The following PGM2 variants were observed in gnomAD, a reference collection of about 807,000 sequenced individuals.
PGM2 encodes phosphopentomutase.
PGM2 carries 57 observed loss-of-function variants against 74.6 expected under a neutral mutation model. The ratio of observed to expected loss-of-function variants is 0.76; its 90% CI spans 0.62 to 0.95. PGM2 has a LOEUF of 0.95. PGM2 is among the 40% of genes least tolerant of loss of function. The probability of loss-of-function intolerance (pLI) is 0.00; values close to 1 mark genes in which losing one functional copy is unlikely to be tolerated. For synonymous variants in PGM2, 273 were observed against 260.7 expected (o/e 1.05, Z -0.46); for missense variants, 706 against 741.9 (o/e 0.95, Z 0.56).
chr4:37,828,048 G>A (rs1280384460), intron 1 of PGM2, among the ~76,000 whole-genome samples: 1 of 152,156 alleles, frequency 6.6e-6, no homozygotes, highest in Non-Finnish European at 1.5e-5. Flanking sequence ...TCAGGTCTTT[G>A]TCTTTATTTA....
At chr4:37,853,359 CTTTTT>C (rs11358189) in intron 12 of PGM2, among the ~76,000 whole-genome samples, 14 of 125,148 alleles carry the variant, frequency 1.1e-4, no homozygotes, top group East Asian at 2.3e-4. Context: ...GGTGATATTC[CTTTTT>C]TTTTTTTTTT....
In PGM2 at chr4:37,844,402, C is replaced by T. The variant is rs772389772; in HGVS notation, c.758C>T (p.Thr253Ile). The T allele has an allele frequency of 1.2e-6, 2 of 1,613,546 alleles. No homozygotes were observed. Among genetic ancestry groups the T allele is most frequent in the South Asian group, 2.2e-5 (2 of 91,004 alleles). The change falls in exon 7 of 14, where the codon ACC (threonine) becomes ATC (isoleucine). Residue 253 changes from threonine to isoleucine, a missense_variant. Physicochemically the swap from Thr to Ile is moderately conservative, Grantham distance 89. Coordinates refer to ENST00000381967, the MANE Select transcript of PGM2 (RefSeq NM_018290.4). ...NRETKVKFVH[T>I]SVHGVGHSFV... ...GAGACAAAGGTGAAGTTTGTGCACA[C>T]CTCTGTCCATGGGGTGGGTCATAGC...
At position 37,829,859 on chromosome 4, in the gene PGM2, T is replaced by C. The variant is rs3764957; in HGVS notation, c.82-105T>C. On this transcript the variant is annotated intron_variant, in intron 1 of 13. Transcript: ENST00000381967. ...ATTGAAAGGTCTACATATATATATA[T>C]ACATATATATATATTTTCTATAGAT... 4.7e-3 allele frequency: 1,572 copies of C among 332,872 alleles called. 35 individuals are homozygous for C. Among genetic ancestry groups the C allele is most frequent in the African/African-American group, 0.04 (1,457 of 36,150 alleles). The allele number at this position is 332,872 out of a possible 1,614,324, so 20.6% of individuals were successfully genotyped here.
intron 11 of PGM2, 129 bp downstream of exon 11, chr4:37,848,780 T>C (rs6531579): frequency 0.21 from 161,745 of 762,842 alleles, 19,718 homozygotes; most frequent in African/African-American, 0.46. Context: ...CTTATAAAAA[T>C]TAAATAAGGC....
intron 2 of PGM2, among the ~76,000 whole-genome samples, chr4:37,831,258 A>G (rs1725436035): frequency 6.6e-6 from 1 of 151,504 alleles, no homozygotes; most frequent in Middle Eastern, 3.2e-3. Context: ...ATTAAGCAAT[A>G]GGGCTCCCTG....
intron 4 of PGM2, among the ~76,000 whole-genome samples, chr4:37,837,912 G>T (rs980730035): frequency 6.6e-6 from 1 of 151,470 alleles, no homozygotes; most frequent in African/African-American, 2.4e-5. Flanking sequence ...ACAGAGTCTC[G>T]CTCTGTTGCC....
chr4:37,831,344 C>T (rs1000789712), intron 2 of PGM2, among the ~76,000 whole-genome samples: 2 of 152,120 alleles, frequency 1.3e-5, no homozygotes, highest in African/African-American at 4.8e-5. Flanking sequence ...AGGAACTGTG[C>T]TGCTGAATAA....
intron 1 of PGM2, among the ~76,000 whole-genome samples, chr4:37,829,646 G>A (rs1228161920): frequency 6.6e-6 from 1 of 152,138 alleles, no homozygotes; most frequent in Non-Finnish European, 1.5e-5. Flanking sequence ...TTTGAGAACT[G>A]GAATAATCTG....
At chr4:37,836,862 G>GGTGTAT (rs1553885671) in intron 3 of PGM2, among the ~76,000 whole-genome samples, 1 of 150,416 alleles carries the variant, frequency 6.6e-6, no homozygotes, top group Non-Finnish European at 1.5e-5. Flanking sequence ...TATGTGTATG[G>GGTGTAT]GTGTGTGTGT....
At position 37,861,973 on chromosome 4, in the gene PGM2, G is replaced by GA; in HGVS notation, c.*365dup. The GA allele has an allele frequency of 5.7e-6, 1 of 175,248 alleles. No individual in the cohort carries two copies. The highest frequency in any genetic ancestry group is 1.2e-5 in the Non-Finnish European group (1 of 80,482). The allele number at this position is 175,248 out of a possible 1,614,324, so 10.9% of individuals were successfully genotyped here. ...TTTTAATGTGTGCTTGAAATATCCA[G>GA]AAAACCTATGGAGTTAGTAAATTCT... On this transcript the variant is annotated 3_prime_UTR_variant, in exon 14 of 14. Coordinates refer to ENST00000381967, the MANE Select transcript of PGM2 (RefSeq NM_018290.4).
chr4:37,835,680 C>A (rs1029260367), intron 3 of PGM2, among the ~76,000 whole-genome samples: 2 of 152,186 alleles, frequency 1.3e-5, no homozygotes, highest in Non-Finnish European at 2.9e-5. Context: ...AGAGTCCTAT[C>A]TTTGCCCATC....
chr4:37,849,583 C>G (rs1267829929), intron 11 of PGM2, among the ~76,000 whole-genome samples: 1 of 151,136 alleles, frequency 6.6e-6, no homozygotes, highest in Non-Finnish European at 1.5e-5. Flanking sequence ...GATTTTTGTA[C>G]TTTTAGTAGA....
chr4:37,851,067 A>G (rs900401069), intron 12 of PGM2, among the ~76,000 whole-genome samples: 9 of 151,770 alleles, frequency 5.9e-5, no homozygotes, highest in African/African-American at 1.9e-4. Context: ...ATAAGTGATC[A>G]GAAGTGTGGA....
chr4:37,826,705 C>G lies in PGM2; in HGVS notation c.-28C>G, dbSNP rs1375421325. ...GAAGGCAGATCTCACCGCCTGCTTC[C>G]CTCTGCAGCGGTAGCACAAGCTCAG... is the stretch of plus-strand genomic sequence containing the variant. On this transcript the variant is annotated 5_prime_UTR_variant, in exon 1 of 14. Transcript: ENST00000381967. 1 of 1,529,254 alleles carries G rather than the reference C, an allele frequency of 6.5e-7. No homozygotes were observed. The highest frequency in any genetic ancestry group is 8.9e-7 in the Non-Finnish European group (1 of 1,127,626). 94.7% of individuals were successfully genotyped at this position (1,529,254 alleles called of 1,614,324 possible). A position where few individuals can be genotyped will look rare whatever the true frequency, so the allele number is the denominator to read the frequency against.
intron 7 of PGM2, 22 bp downstream of exon 7, chr4:37,844,575 T>G (rs1381378933): frequency 8.6e-6 from 12 of 1,399,766 alleles, no homozygotes; most frequent in Non-Finnish European, 1.2e-5. Context: ...TTTTTTTAAA[T>G]TATGAAATCT....
intron 12 of PGM2, among the ~76,000 whole-genome samples, chr4:37,853,543 G>A (rs1726109775): frequency 6.6e-6 from 1 of 151,960 alleles, no homozygotes; most frequent in South Asian, 2.1e-4. Flanking sequence ...TTCCCCAAAA[G>A]TCTGATGATC....
Position 37,843,598 on chromosome 4 carries a change from TTTATTA to T in PGM2, c.720-757_720-752del, listed in dbSNP as rs1160456887. 9.4e-5 allele frequency among the ~76,000 whole-genome samples: 14 copies of T among 148,700 alleles called. No homozygotes were observed. The East Asian group carries it at 2.8e-3, about 30-fold the overall frequency. ...CTTGGCAAACAAAAAGTTTTATTTA[TTTATTA>T]TTATTATTTTTTTTTTTTTCCTGAG... is the stretch of plus-strand genomic sequence containing the variant. On this transcript the variant is annotated intron_variant, in intron 6 of 13. Coordinates refer to ENST00000381967, the MANE Select transcript of PGM2 (RefSeq NM_018290.4).
chr4:37,845,763 A>T (rs1479999374), intron 8 of PGM2, 33 bp downstream of exon 8: 3 of 1,261,678 alleles, frequency 2.4e-6, no homozygotes, highest in Non-Finnish European at 1.2e-6. Context: ...ATATTATAGA[A>T]CATATAAAGG....
chr4:37,855,908 C>T (rs1353688438), intron 13 of PGM2, among the ~76,000 whole-genome samples, 167 bp downstream of exon 13: 2 of 152,190 alleles, frequency 1.3e-5, no homozygotes, highest in Non-Finnish European at 2.9e-5. Flanking sequence ...TCTCAGCATC[C>T]AGGGAAAAGC....
Sources: gnomAD v4.1 joint callset for allele counts (sites outside exome capture counted in the v4.1 genomes callset) on GRCh38, gnomAD v4.1.1 for gene constraint, MANE v1.5 for transcripts, NCBI Gene and HGNC (gene_info 2026-07-23, HGNC 2026-07-21) for gene names.